The following MMP16 variants were observed in gnomAD, a reference collection of about 807,000 sequenced individuals.
MMP16 encodes matrix metalloproteinase-16.
In MMP16, 12 loss-of-function variants were observed where a neutral mutation model predicts 67.8. The observed-to-expected ratio is 0.18, with a 90% CI of 0.11 to 0.29. MMP16 has a LOEUF of 0.29. Ranked by LOEUF, MMP16 falls within the 10% of genes least tolerant of loss-of-function variation. The pLI, the probability that MMP16 is intolerant of heterozygous loss-of-function variation, is 1.00. For missense variants in MMP16, 475 were observed against 765.7 expected (o/e 0.62, Z 4.48); for synonymous variants, 249 against 255.9 (o/e 0.97, Z 0.26).
intron 4 of MMP16, among the ~76,000 whole-genome samples, chr8:88,160,436 GA>G (rs1220235065): frequency 5.3e-5 from 8 of 151,688 alleles, no homozygotes; most frequent in Non-Finnish European, 1.0e-4. Flanking sequence ...AAATTTACAA[GA>G]AAAAAACAAA....
At chr8:88,307,529 T>G (rs1811228872) in intron 1 of MMP16, among the ~76,000 whole-genome samples, 1 of 152,052 alleles carries the variant, frequency 6.6e-6, no homozygotes, top group Admixed American at 6.6e-5. Flanking sequence ...CCATCAATCT[T>G]AATTTAATAG....
At chr8:88,320,563 A>C (rs1158519793) in intron 1 of MMP16, among the ~76,000 whole-genome samples, 1 of 152,156 alleles carries the variant, frequency 6.6e-6, no homozygotes, top group East Asian at 1.9e-4. Context: ...AGTTCATCAA[A>C]TATGTAATCA....
chr8:88,192,581 AAAG>A (rs1198849791), intron 2 of MMP16, among the ~76,000 whole-genome samples: 1 of 152,192 alleles, frequency 6.6e-6, no homozygotes, highest in Non-Finnish European at 1.5e-5. Flanking sequence ...TCAGAAATAA[AAAG>A]AAGAACATCA....
intron 1 of MMP16, among the ~76,000 whole-genome samples, chr8:88,262,882 G>A (rs1286093310): frequency 7.5e-6 from 1 of 133,876 alleles, no homozygotes; most frequent in Non-Finnish European, 1.6e-5. Flanking sequence ...AAAATTAGCC[G>A]AGCGTGGTAG....
intron 1 of MMP16, among the ~76,000 whole-genome samples, chr8:88,263,266 C>T (rs946897729): frequency 6.6e-6 from 1 of 152,014 alleles, no homozygotes; most frequent in South Asian, 2.1e-4. Context: ...TCAATTTTTT[C>T]TTCCCTTTTT....
chr8:88,182,376 T>C (rs1007225607), intron 3 of MMP16, among the ~76,000 whole-genome samples: 2 of 152,040 alleles, frequency 1.3e-5, no homozygotes, highest in African/African-American at 2.4e-5. Context: ...AATAAGCATA[T>C]GAAAAGTTGC....
At chr8:88,132,377 C>G (rs1302805267) in intron 4 of MMP16, among the ~76,000 whole-genome samples, 3 of 151,826 alleles carry the variant, frequency 2.0e-5, no homozygotes, top group Non-Finnish European at 4.4e-5. Flanking sequence ...CTTACAATTT[C>G]TAAGGGTAGA....
chr8:88,102,551 G>T (rs1288897041), intron 6 of MMP16, among the ~76,000 whole-genome samples: 4 of 151,642 alleles, frequency 2.6e-5, no homozygotes, highest in Non-Finnish European at 5.9e-5. Flanking sequence ...ATGTAAGCAT[G>T]ATTGATTCAA....
chr8:88,189,117 T>C (rs1475739670), intron 2 of MMP16, among the ~76,000 whole-genome samples: 4 of 152,212 alleles, frequency 2.6e-5, no homozygotes, highest in African/African-American at 9.6e-5. Flanking sequence ...TTATTCATCA[T>C]ATAGTATTTT....
chr8:88,174,058 ATTAC>A (rs1310055083), intron 3 of MMP16, among the ~76,000 whole-genome samples: 1 of 152,176 alleles, frequency 6.6e-6, no homozygotes, highest in Non-Finnish European at 1.5e-5. Context: ...TTTAAAAAAA[ATTAC>A]TTAGTAACCT....
At chr8:88,088,967 A>G (rs1229912348) in intron 6 of MMP16, among the ~76,000 whole-genome samples, 1 of 152,148 alleles carries the variant, frequency 6.6e-6, no homozygotes, top group African/African-American at 2.4e-5. Flanking sequence ...TCATTCAGCA[A>G]AATAATGAAG....
chr8:88,252,274 A>C (rs1810237276), intron 1 of MMP16, among the ~76,000 whole-genome samples: 1 of 152,120 alleles, frequency 6.6e-6, no homozygotes, highest in Non-Finnish European at 1.5e-5. Context: ...TGACCCTCTG[A>C]TGGCTGCAGT....
chr8:88,104,033 A>C (rs2118388055), intron 6 of MMP16, among the ~76,000 whole-genome samples: 1 of 151,940 alleles, frequency 6.6e-6, no homozygotes, highest in East Asian at 2.0e-4. Context: ...TGAATATTTT[A>C]AAAGGTTTTG....
At chr8:88,190,519 GC>G (rs1809154096) in intron 2 of MMP16, among the ~76,000 whole-genome samples, 2 of 152,036 alleles carry the variant, frequency 1.3e-5, no homozygotes, top group African/African-American at 4.8e-5. Context: ...TACAAAACTG[GC>G]ATGCTAATGT....
At chr8:88,303,550 G>T (rs915802408) in intron 1 of MMP16, among the ~76,000 whole-genome samples, 1 of 152,158 alleles carries the variant, frequency 6.6e-6, no homozygotes, top group Non-Finnish European at 1.5e-5. Context: ...CCTCCTATAG[G>T]TGCAGTTTAG....
intron 3 of MMP16, among the ~76,000 whole-genome samples, chr8:88,170,284 A>C (rs1808778527): frequency 1.3e-5 from 2 of 152,156 alleles, no homozygotes; most frequent in Non-Finnish European, 2.9e-5. Context: ...GTTTGTTTTA[A>C]CTTTATGTGA....
chr8:88,170,240 G>A (rs1808777844), intron 3 of MMP16, among the ~76,000 whole-genome samples: 1 of 152,196 alleles, frequency 6.6e-6, no homozygotes, highest in Non-Finnish European at 1.5e-5. Context: ...TCAGGGAGAA[G>A]GCTATGCAAT....
chr8:88,315,396 G>A (rs1811361852), intron 1 of MMP16, among the ~76,000 whole-genome samples: 1 of 152,068 alleles, frequency 6.6e-6, no homozygotes, highest in African/African-American at 2.4e-5. Context: ...GAATGTTTCT[G>A]AGAAATATCT....
At chr8:88,263,239 T>C (rs948338114) in intron 1 of MMP16, among the ~76,000 whole-genome samples, 1 of 151,762 alleles carries the variant, frequency 6.6e-6, no homozygotes, top group Non-Finnish European at 1.5e-5. Context: ...AAAGATGCAA[T>C]TTCCTAAAAA....
Sources: gnomAD v4.1 joint callset for allele counts (sites outside exome capture counted in the v4.1 genomes callset) on GRCh38, gnomAD v4.1.1 for gene constraint, MANE v1.5 for transcripts, NCBI Gene and HGNC (gene_info 2026-07-23, HGNC 2026-07-21) for gene names.